The following SHROOM4 variants were observed in gnomAD, a reference collection of about 807,000 sequenced individuals.
SHROOM4 encodes the protein protein Shroom4.
SHROOM4 carries 17 observed loss-of-function variants against 80.3 expected under a neutral mutation model. The ratio of observed to expected loss-of-function variants is 0.21; its 90% confidence interval spans 0.14 to 0.32. The LOEUF (loss-of-function observed/expected upper bound fraction) is 0.32. SHROOM4 is among the 10% of genes least tolerant of loss of function. The pLI, the probability that SHROOM4 is intolerant of heterozygous loss-of-function variation, is 1.00. For synonymous variants in SHROOM4, 400 were observed against 437.5 expected, an observed-to-expected ratio of 0.91 and a Z score of 1.07; for missense variants, 993 against 1,140.3, an observed-to-expected ratio of 0.87 and a Z score of 1.86.
At chrX:50,677,104 T>C (rs1352340484) in intron 2 of SHROOM4, among the ~76,000 whole-genome samples, 2 of 111,277 alleles carry the variant, frequency 1.8e-5, no homozygotes, top group East Asian at 5.6e-4. Flanking sequence ...TTCCCACTAG[T>C]TAGCTCCAAT....
intron 1 of SHROOM4, among the ~76,000 whole-genome samples, chrX:50,702,599 G>A (rs1043686986): frequency 8.9e-6 from 1 of 111,791 alleles, no homozygotes; most frequent in Non-Finnish European, 1.9e-5. Flanking sequence ...AAGAAGAGAG[G>A]TGATAATTTG....
In SHROOM4 at chrX:50,795,133, T is replaced by TC. The variant is rs1259099234; in HGVS notation, c.117+18768_117+18769insG. Among the ~76,000 whole-genome samples the TC allele has an allele frequency of 1.4e-3, 4 of 2,957 alleles. 1 individual carries two copies. The highest frequency in any genetic ancestry group is 2.1e-3 in the African/African-American group (4 of 1,915). The allele number at this position is 2,957 out of a possible 115,157, so 2.6% of individuals were successfully genotyped here. On this transcript the variant is annotated intron_variant, in intron 1 of 8. Transcript: ENST00000376020. ...ATATATGATATATATATATGATATA[T>TC]ATATATATATATGATATATATATAT...
chrX:50,632,991 C>T (rs782177505), intron 4 of SHROOM4, among the ~76,000 whole-genome samples, 187 bp downstream of exon 4: 10 of 112,250 alleles, frequency 8.9e-5, no homozygotes, highest in African/African-American at 3.2e-4. Context: ...TTATCTAACC[C>T]TAAAGATGAG....
At chrX:50,790,058 A>G (rs1208170995) in intron 1 of SHROOM4, among the ~76,000 whole-genome samples, 2 of 112,217 alleles carry the variant, frequency 1.8e-5, no homozygotes, top group African/African-American at 6.5e-5. Flanking sequence ...TTGTGAATCT[A>G]AATATAGCTA....
chrX:50,623,705 A>G (rs1930680031), intron 5 of SHROOM4, among the ~76,000 whole-genome samples: 1 of 112,158 alleles, frequency 8.9e-6, no homozygotes, highest in African/African-American at 3.2e-5. Context: ...ACATAAATCT[A>G]CACAGAAACT....
At chrX:50,691,827 G>A (rs1933228298) in intron 2 of SHROOM4, among the ~76,000 whole-genome samples, 1 of 111,686 alleles carries the variant, frequency 9.0e-6, no homozygotes, top group Non-Finnish European at 1.9e-5. Context: ...CGTGTTAAGA[G>A]CTCTTTCATA....
At chrX:50,737,008 G>A (rs1557266749) in intron 1 of SHROOM4, among the ~76,000 whole-genome samples, 1 of 111,611 alleles carries the variant, frequency 9.0e-6, no homozygotes, top group Non-Finnish European at 1.9e-5. Context: ...GTTGCATCTT[G>A]GATTTTCAAA....
chrX:50,678,599 T>C (rs1334388133), intron 2 of SHROOM4, among the ~76,000 whole-genome samples: 1 of 111,833 alleles, frequency 8.9e-6, no homozygotes, highest in Non-Finnish European at 1.9e-5. Context: ...ACCTCCACTC[T>C]TCTACTTCTC....
intron 1 of SHROOM4, among the ~76,000 whole-genome samples, chrX:50,794,647 TACACACAC>T (rs55726150): frequency 3.1e-5 from 3 of 97,195 alleles, no homozygotes; most frequent in Non-Finnish European, 6.2e-5. Context: ...CACACACACA[TACACACAC>T]ACACACACAC....
chrX:50,707,499 C>A (rs1557264055), intron 1 of SHROOM4, among the ~76,000 whole-genome samples: 1 of 111,549 alleles, frequency 9.0e-6, no homozygotes, highest in African/African-American at 3.3e-5. Context: ...TTTGTCAGGT[C>A]TGATTCAGAT....
chrX:50,689,874 T>C (rs1236602775), intron 2 of SHROOM4, among the ~76,000 whole-genome samples: 1 of 112,276 alleles, frequency 8.9e-6, no homozygotes, highest in Non-Finnish European at 1.9e-5. Context: ...ATATTTTGCA[T>C]CTAAATTCAC....
At chrX:50,638,427 T>G in intron 2 of SHROOM4, 119 bp from the exon 3 acceptor site, 1 of 927,653 alleles carries the variant, frequency 1.1e-6, no homozygotes, top group East Asian at 3.4e-5. Flanking sequence ...TGCAAGGAAC[T>G]GGTGTGGGAA....
intron 1 of SHROOM4, among the ~76,000 whole-genome samples, chrX:50,775,845 CA>C (rs1935492644): frequency 8.9e-6 from 1 of 112,343 alleles, no homozygotes; most frequent in African/African-American, 3.2e-5. Context: ...TGTGGTATGG[CA>C]AAAGCCAGGA....
intron 1 of SHROOM4, among the ~76,000 whole-genome samples, chrX:50,730,782 G>GAAAAA (rs11352904): frequency 1.0e-5 from 1 of 96,956 alleles, no homozygotes; most frequent in Non-Finnish European, 2.0e-5. Flanking sequence ...CTCAGAAAAA[G>GAAAAA]AAAAAAAAAA....
chrX:50,607,848 G>A lies in SHROOM4; in HGVS notation c.3294C>T (p.Ala1098=). ...GAGGAGGAGGGCGAGGAGGAGGAAAGGCCTTCTTCCTGGCTCCGAGAAGAT... is the reference window on the plus strand; with the variant it reads ...GAGGAGGAGGGCGAGGAGGAGGAAAAGCCTTCTTCCTGGCTCCGAGAAGAT... ...QSDLLGARKK[A]FPPPRPPPPN... is the part of the protein sequence containing the mutation. The change falls in exon 6 of 9, where the codon GCC becomes GCT. Residue 1098 remains alanine (A), a synonymous_variant. Transcript: ENST00000376020. 1 of 1,209,609 alleles carries A rather than the reference G, an allele frequency of 8.3e-7. No homozygotes were observed. Among genetic ancestry groups the A allele is most frequent in the Non-Finnish European group, 1.1e-6 (1 of 894,195 alleles).
At chrX:50,722,024 C>A (rs1193780214) in intron 1 of SHROOM4, among the ~76,000 whole-genome samples, 1 of 110,814 alleles carries the variant, frequency 9.0e-6, no homozygotes, top group Non-Finnish European at 1.9e-5. Context: ...GTTTCACATT[C>A]CCCACATTGC....
At chrX:50,795,027 A>C (rs1197938074) in intron 1 of SHROOM4, among the ~76,000 whole-genome samples, 10 of 25,696 alleles carry the variant, frequency 3.9e-4, no homozygotes, top group South Asian at 5.6e-3. Flanking sequence ...CTTTATATAT[A>C]TCATATATAT....
intron 2 of SHROOM4, among the ~76,000 whole-genome samples, chrX:50,674,429 C>T (rs1932830620): frequency 9.0e-6 from 1 of 111,039 alleles, no homozygotes; most frequent in African/African-American, 3.3e-5. Flanking sequence ...CACAAATATG[C>T]CAAACTTATT....
chrX:50,702,748 G>A (rs1009002603), intron 1 of SHROOM4, among the ~76,000 whole-genome samples: 1 of 111,518 alleles, frequency 9.0e-6, no homozygotes, highest in Non-Finnish European at 1.9e-5. Flanking sequence ...TAAGATTTGT[G>A]CATTTTACTA....
Sources: allele counts gnomAD v4.1 joint callset (sites outside exome capture counted in the v4.1 genomes callset), GRCh38; gene constraint gnomAD v4.1.1; transcripts MANE v1.5; gene names NCBI Gene and HGNC (gene_info 2026-07-23, HGNC 2026-07-21).